Variants in LRRC74B observed in about 807,000 individuals in gnomAD.
The protein encoded by LRRC74B is leucine rich repeat containing 74B.
A neutral mutation model predicts 16.6 loss-of-function variants in LRRC74B; 30 were observed. The ratio of observed to expected loss-of-function variants is 1.80; its 90% CI spans 1.35 to 2.45. The LOEUF (loss-of-function observed/expected upper bound fraction) is 2.45. Among genes scored for constraint, LRRC74B ranks in the 30% most tolerant of loss-of-function variants. The pLI is 0.00. For missense variants in LRRC74B, 326 were observed against 202.4 expected, an observed-to-expected ratio of 1.61 and a Z score of -3.71; for synonymous variants, 134 against 86.0, an observed-to-expected ratio of 1.56 and a Z score of -3.09.
chr22:21,059,476 CGCTT>C lies in LRRC74B; in HGVS notation c.1024-895_1024-892del, dbSNP rs548675728. On this transcript the variant is annotated intron_variant, in intron 8 of 8. Transcript: ENST00000442047. Reference sequence around the variant, plus strand: ...ACTCGGGAGGCTGAGGCAGGAGAATCGCTTGAACCAGAAAGCGGAGGTTTCAGTG... The same window carrying C: ...ACTCGGGAGGCTGAGGCAGGAGAATCGAACCAGAAAGCGGAGGTTTCAGTG... Among the ~76,000 whole-genome samples, 85 of 152,274 alleles carry C rather than the reference CGCTT, an allele frequency of 5.6e-4. 1 individual carries two copies. Among genetic ancestry groups the C allele is most frequent in the African/African-American group, 1.9e-3 (78 of 41,558 alleles).
intron 1 of LRRC74B, 51 bp from the exon 2 acceptor site, chr22:21,047,305 A>G (rs754816578): frequency 1.6e-5 from 11 of 700,800 alleles, no homozygotes; most frequent in Non-Finnish European, 2.9e-5. Context: ...GGGAGGACAC[A>G]GGTGGCTGTA....
At chr22:21,056,259 C>T (rs377247556) in intron 7 of LRRC74B, among the ~76,000 whole-genome samples, 44 of 152,282 alleles carry the variant, frequency 2.9e-4, no homozygotes, top group African/African-American at 8.9e-4. Context: ...CCCAGCACTT[C>T]GGGAGGCTGA....
chr22:21,058,202 T>C lies in LRRC74B; in HGVS notation c.1023+1002T>C, dbSNP rs967553861. Among the ~76,000 whole-genome samples, 10 of 151,932 alleles carry C rather than the reference T, an allele frequency of 6.6e-5. No individual in the cohort carries two copies. The East Asian group carries it at 1.9e-3, about 29-fold the overall frequency. ...GGCATGATCCATTGCGCCTGGCGAA[T>C]TTTGATTTTTTTAATGTAGAAAAAG... On this transcript the variant is annotated intron_variant, in intron 8 of 8. Transcript: ENST00000442047.
At chr22:21,045,968 C>CT (rs1162057212), upstream of LRRC74B, 26 of 716,942 alleles carry the variant, frequency 3.6e-5, no homozygotes, top group African/African-American at 2.6e-4. Context: ...GTGTCTGAGA[C>CT]TGCGAGAGGG....
chr22:21,055,637 A>T (rs1930462490), intron 7 of LRRC74B, among the ~76,000 whole-genome samples: 1 of 152,132 alleles, frequency 6.6e-6, no homozygotes, highest in Admixed American at 6.5e-5. Flanking sequence ...GAGGGAGGCA[A>T]GCCGGGAGCA....
At chr22:21,057,165 A>T in exon 8 of LRRC74B, 1 of 717,422 alleles carries the variant, frequency 1.4e-6, no homozygotes, top group Non-Finnish European at 2.6e-6. Context: ...TGTCCAGGAC[A>T]ATCCAGCCTC....
At chr22:21,055,787 G>T (rs1261078855) in intron 7 of LRRC74B, among the ~76,000 whole-genome samples, 1 of 152,128 alleles carries the variant, frequency 6.6e-6, no homozygotes, top group Non-Finnish European at 1.5e-5. Context: ...CTCCTCCCCT[G>T]CTTCCTGCCT....
At chr22:21,055,697 T>C (rs948566861) in intron 7 of LRRC74B, among the ~76,000 whole-genome samples, 2 of 152,034 alleles carry the variant, frequency 1.3e-5, no homozygotes, top group Non-Finnish European at 2.9e-5. Context: ...TGGGGGACAG[T>C]ATTGCCAGCT....
At chr22:21,050,334 C>A (rs111977849) in intron 4 of LRRC74B, among the ~76,000 whole-genome samples, 1 of 151,684 alleles carries the variant, frequency 6.6e-6, no homozygotes, top group Non-Finnish European at 1.5e-5. Context: ...CGCGCCTGGC[C>A]GAGAATTGTT....
chr22:21,049,731 G>A (rs1022790897), intron 4 of LRRC74B, among the ~76,000 whole-genome samples: 1 of 151,786 alleles, frequency 6.6e-6, no homozygotes, highest in Non-Finnish European at 1.5e-5. Context: ...GGTGGAGAGG[G>A]CAGAGGGGGC....
intron 6 of LRRC74B, 142 bp from the exon 7 acceptor site, chr22:21,054,956 G>A: frequency 1.6e-6 from 1 of 633,630 alleles, no homozygotes; most frequent in Non-Finnish European, 2.9e-6. Context: ...ATCTGTCCAG[G>A]GTTCCTGGGG....
At chr22:21,054,671 G>A (rs1275010270) in intron 6 of LRRC74B, among the ~76,000 whole-genome samples, 2 of 152,234 alleles carry the variant, frequency 1.3e-5, no homozygotes, top group African/African-American at 2.4e-5. Flanking sequence ...AGAGAGAAGC[G>A]GGACTGACTC....
chr22:21,046,117 A>G lies in LRRC74B; in HGVS notation c.131A>G (p.Glu44Gly), dbSNP rs772356291. 6.4e-4 allele frequency: 462 copies of G among 716,860 alleles called. 3 individuals carry two copies. Among genetic ancestry groups the G allele is most frequent in the Admixed American group, 5.2e-4 (26 of 50,004 alleles). The allele number at this position is 716,860 out of a possible 1,614,324, so 44.4% of individuals were successfully genotyped here. A position where few individuals can be genotyped will look rare whatever the true frequency, so the allele number is the denominator to read the frequency against. The change falls in exon 1 of 9, where the codon GAG (glutamate) becomes GGG (glycine). Residue 44 changes from glutamate (E) to glycine (G), a missense_variant. Transcript: ENST00000442047. ...GAGGCCAATTGGGACTCCGACCTGG[A>G]GACGGAAGGTGCTCGGGGGAGGGGG... is the stretch of plus-strand genomic sequence containing the variant.
rs115992444 is a variant in LRRC74B, at chr22:21,057,080, G to T, written c.928-25G>T. 5.7e-3 allele frequency: 4,093 copies of T among 716,758 alleles called. 115 individuals are homozygous for T. The African/African-American group carries it at 0.063, about 11-fold the overall frequency. 44.4% of individuals were successfully genotyped at this position (716,758 alleles called of 1,614,324 possible). On this transcript the variant is annotated intron_variant, in intron 7 of 8. Coordinates refer to ENST00000442047, the Ensembl canonical transcript of LRRC74B. Reference sequence around the variant, plus strand: ...CTGGCCTTCCCGGACCTGGCTTCTCGCAGCTTTGTGTGCGTGTTTCTCAGG... The same window carrying T: ...CTGGCCTTCCCGGACCTGGCTTCTCTCAGCTTTGTGTGCGTGTTTCTCAGG...
downstream of LRRC74B, chr22:21,062,439 G>A (rs1930850915): frequency 6.6e-6 from 1 of 152,148 alleles, no homozygotes; most frequent in Non-Finnish European, 1.5e-5. Flanking sequence ...ATATGGCCAG[G>A]CGCGGTGGCT....
intron 6 of LRRC74B, 37 bp from the exon 7 acceptor site, chr22:21,055,061 G>A (rs1333491687): frequency 2.8e-6 from 2 of 714,802 alleles, no homozygotes; most frequent in East Asian, 2.7e-5. Flanking sequence ...CTGCTTGGAA[G>A]GTTGCACAAT....
At position 21,053,281 on chromosome 22, in the gene LRRC74B, C is replaced by T. The variant is rs1246982821; in HGVS notation, c.733-79C>T. 2.5e-5 allele frequency: 17 copies of T among 678,500 alleles called. No homozygotes were observed. In the East Asian group the frequency reaches 4.6e-4, roughly 19 times the overall value. The allele number at this position is 678,500 out of a possible 1,614,324, so 42.0% of individuals were successfully genotyped here. A position where few individuals can be genotyped will look rare whatever the true frequency, so the allele number is the denominator to read the frequency against. Reference sequence around the variant, plus strand: ...TCTCTTATCTTTGCACCTCAGGGCTCCTGGTCTCTGAGGCTGTGGCACCCT... The same window carrying T: ...TCTCTTATCTTTGCACCTCAGGGCTTCTGGTCTCTGAGGCTGTGGCACCCT... On this transcript the variant is annotated intron_variant, in intron 5 of 8. Transcript: ENST00000442047.
intron 6 of LRRC74B, among the ~76,000 whole-genome samples, chr22:21,054,393 G>A (rs1199685847): frequency 6.6e-6 from 1 of 152,228 alleles, no homozygotes; most frequent in African/African-American, 2.4e-5. Flanking sequence ...TGTGTGAGGG[G>A]CTCCTCCAGG....
At chr22:21,057,827 G>A (rs1930625162) in intron 8 of LRRC74B, among the ~76,000 whole-genome samples, 1 of 145,706 alleles carries the variant, frequency 6.9e-6, no homozygotes, top group Non-Finnish European at 1.5e-5. Flanking sequence ...CAGGCTGGTT[G>A]CAAACTTCTG....
Sources: allele counts gnomAD v4.1 joint callset (sites outside exome capture counted in the v4.1 genomes callset), GRCh38; gene constraint gnomAD v4.1.1; transcripts MANE v1.5; gene names NCBI Gene and HGNC (gene_info 2026-07-23, HGNC 2026-07-21).